Variants in ADORA2B observed in about 807,000 individuals in gnomAD.
The protein encoded by ADORA2B is adenosine A2b receptor, also known as adenosine receptor A2b.
A neutral mutation model predicts 20.8 loss-of-function variants in ADORA2B; 18 were observed. That is an observed-to-expected ratio of 0.87 (90% CI 0.60 to 1.29). The LOEUF (loss-of-function observed/expected upper bound fraction) is 1.29, where lower values mean the gene tolerates loss of function less well. Among genes scored for constraint, ADORA2B ranks in the 50% most tolerant of loss-of-function variants. The pLI is 0.00. For missense variants in ADORA2B, 441 were observed against 422.7 expected, an observed-to-expected ratio of 1.04 and a Z score of -0.38; for synonymous variants, 179 against 178.3, an observed-to-expected ratio of 1.00 and a Z score of -0.03.
At chr17:15,962,228 G>A (rs1970049471) in intron 1 of ADORA2B, among the ~76,000 whole-genome samples, 2 of 151,920 alleles carry the variant, frequency 1.3e-5, no homozygotes, top group Middle Eastern at 3.2e-3. Context: ...GCTTGAACCC[G>A]GGAGGCGGAG....
chr17:15,956,470 A>G (rs150011597), intron 1 of ADORA2B, among the ~76,000 whole-genome samples: 5 of 151,978 alleles, frequency 3.3e-5, no homozygotes, highest in Non-Finnish European at 7.4e-5. Flanking sequence ...CATGTTTCCA[A>G]TTTAGGGTTC....
At chr17:15,878,913 C>T in the ADORA2B span, among the ~76,000 whole-genome samples, 3 of 151,994 alleles carry the variant, frequency 2.0e-5, no homozygotes, top group African/African-American at 4.8e-5. Context: ...AAAATTCTTA[C>T]ATATCTGGGG....
chr17:15,945,792 T>C (rs1258340759), intron 1 of ADORA2B, among the ~76,000 whole-genome samples: 2 of 151,870 alleles, frequency 1.3e-5, no homozygotes, highest in African/African-American at 4.8e-5. Flanking sequence ...TGCGCGTCGC[T>C]CTAAGGAGAT....
the ADORA2B span, among the ~76,000 whole-genome samples, chr17:15,905,874 G>A: frequency 1.3e-5 from 2 of 149,314 alleles, no homozygotes; most frequent in East Asian, 2.0e-4. Flanking sequence ...CAGGCTGGTC[G>A]CGAACTCCTG....
the ADORA2B span, among the ~76,000 whole-genome samples, chr17:15,912,964 G>A: frequency 4.6e-5 from 7 of 152,198 alleles, no homozygotes; most frequent in Non-Finnish European, 7.3e-5. Flanking sequence ...TTATTCCTGC[G>A]CCTCTGTAGC....
intron 1 of ADORA2B, among the ~76,000 whole-genome samples, chr17:15,964,736 C>G (rs1194851785): frequency 6.7e-6 from 1 of 150,140 alleles, no homozygotes; most frequent in Non-Finnish European, 1.5e-5. Flanking sequence ...AGTTTGGTAC[C>G]ATAGGAAATC....
chr17:15,901,832 C>T, the ADORA2B span, among the ~76,000 whole-genome samples: 3 of 152,200 alleles, frequency 2.0e-5, no homozygotes, highest in Admixed American at 6.5e-5. Flanking sequence ...CGCAAGACCA[C>T]GAGCTCCCAA....
At chr17:15,879,926 G>A in the ADORA2B span, among the ~76,000 whole-genome samples, 2 of 147,314 alleles carry the variant, frequency 1.4e-5, no homozygotes, top group African/African-American at 5.4e-5. Context: ...AAATTGCTTG[G>A]AAGTTGGGAA....
chr17:15,892,802 G>A, the ADORA2B span, among the ~76,000 whole-genome samples: 1 of 152,096 alleles, frequency 6.6e-6, no homozygotes, highest in Non-Finnish European at 1.5e-5. Context: ...GTGGAATTTA[G>A]CACAGTACAC....
the ADORA2B span, among the ~76,000 whole-genome samples, chr17:15,920,358 C>T: frequency 6.6e-6 from 1 of 152,284 alleles, no homozygotes; most frequent in East Asian, 1.9e-4. Flanking sequence ...GTCGTATCCC[C>T]TAAATTTATA....
the ADORA2B span, among the ~76,000 whole-genome samples, chr17:15,852,250 T>C: frequency 6.6e-6 from 1 of 152,208 alleles, no homozygotes; most frequent in African/African-American, 2.4e-5. Context: ...GTGTTTTGTT[T>C]CCTACCTTAA....
chr17:15,916,053 C>T, the ADORA2B span, among the ~76,000 whole-genome samples: 1 of 152,242 alleles, frequency 6.6e-6, no homozygotes, highest in Non-Finnish European at 1.5e-5. Context: ...GGTCACTAAC[C>T]AGTCAGCAGT....
chr17:15,860,572 A>G, the ADORA2B span, among the ~76,000 whole-genome samples: 1 of 152,062 alleles, frequency 6.6e-6, no homozygotes, highest in East Asian at 1.9e-4. Context: ...GCTGGGTTTA[A>G]TGCTCTGATG....
the ADORA2B span, among the ~76,000 whole-genome samples, chr17:15,872,663 G>A: frequency 6.6e-6 from 1 of 152,094 alleles, no homozygotes; most frequent in Non-Finnish European, 1.5e-5. Context: ...TTGTTTTGCA[G>A]CTGCTGTAAA....
the ADORA2B span, among the ~76,000 whole-genome samples, chr17:15,905,123 G>T: frequency 1.3e-5 from 2 of 152,158 alleles, no homozygotes; most frequent in Non-Finnish European, 2.9e-5. Flanking sequence ...AAACTGGGAA[G>T]AACTGACACC....
the ADORA2B span, among the ~76,000 whole-genome samples, chr17:15,906,603 C>T: frequency 2.6e-5 from 4 of 152,126 alleles, no homozygotes; most frequent in African/African-American, 9.7e-5. Context: ...TAGGGTAATG[C>T]TGGCATCATA....
chr17:15,975,456 C>T lies in ADORA2B; in HGVS notation c.*114C>T. ...CCTCACAAGGAAATGGACTGCCTCT[C>T]TTGAGCACTTCCCTGGAGCTACCAC... On this transcript the variant is annotated 3_prime_UTR_variant, in exon 2 of 2. Transcript: ENST00000304222. 1 of 1,099,452 alleles carries T rather than the reference C, an allele frequency of 9.1e-7. No individual in the cohort carries two copies. The highest frequency in any genetic ancestry group is 1.3e-6 in the Non-Finnish European group (1 of 770,674). 68.1% of individuals were successfully genotyped at this position (1,099,452 alleles called of 1,614,324 possible).
At chr17:15,854,428 T>A in the ADORA2B span, among the ~76,000 whole-genome samples, 1 of 152,248 alleles carries the variant, frequency 6.6e-6, no homozygotes, top group Non-Finnish European at 1.5e-5. Context: ...AATACCTTTC[T>A]TAATGAAAAG....
chr17:15,945,538 T>C lies in ADORA2B; in HGVS notation c.290T>C (p.Leu97Pro). 1.3e-6 allele frequency: 2 copies of C among 1,596,824 alleles called. No homozygotes were observed. The highest frequency in any genetic ancestry group is 1.7e-6 in the Non-Finnish European group (2 of 1,173,594). ...VLTQSSIFSL[L>P]AVAVDRYLAI... ...ACGCAGAGCTCCATCTTCAGCCTTC[T>C]GGCCGTGGCAGTCGACAGATACCTG... The change falls in exon 1 of 2, where the codon CTG (leucine) becomes CCG (proline). Residue 97 changes from leucine (L) to proline (P), a missense_variant. Transcript: ENST00000304222.
Sources: gnomAD v4.1 joint callset for allele counts (sites outside exome capture counted in the v4.1 genomes callset) on GRCh38, gnomAD v4.1.1 for gene constraint, MANE v1.5 for transcripts, NCBI Gene and HGNC (gene_info 2026-07-23, HGNC 2026-07-21) for gene names.